SLC25A48: variants seen among roughly 807,000 people sequenced by gnomAD.
SLC25A48 encodes the protein solute carrier family 25 member 48.
A neutral mutation model predicts 32.2 loss-of-function variants in SLC25A48; 29 were observed. The ratio of observed to expected loss-of-function variants is 0.90; its 90% CI spans 0.67 to 1.23. The LOEUF is 1.23. SLC25A48 is among the 50% of genes most tolerant of loss of function. SLC25A48 has a pLI of 0.00. For missense variants in SLC25A48, 399 were observed against 422.7 expected (o/e 0.94, Z 0.49); for synonymous variants, 164 against 172.3 (o/e 0.95, Z 0.38).
At chr5:135,711,319 G>A (rs1189069139) in intron 3 of SLC25A48, among the ~76,000 whole-genome samples, 1 of 152,218 alleles carries the variant, frequency 6.6e-6, no homozygotes, top group Non-Finnish European at 1.5e-5. Context: ...TCATATTCCA[G>A]AGCAGCTCAA....
chr5:135,758,060 T>C (rs1755964440), intron 3 of SLC25A48, among the ~76,000 whole-genome samples: 1 of 150,634 alleles, frequency 6.6e-6, no homozygotes, highest in African/African-American at 2.4e-5. Flanking sequence ...CTATGATATT[T>C]ATAATATCTC....
At chr5:135,883,991 A>T (rs1381239670) in intron 7 of SLC25A48, among the ~76,000 whole-genome samples, 2 of 152,118 alleles carry the variant, frequency 1.3e-5, no homozygotes, top group Non-Finnish European at 2.9e-5. Context: ...CCCTTTCTTG[A>T]TGAGCTGAGT....
chr5:135,882,938 C>A, intron 7 of SLC25A48: 1 of 504,312 alleles, frequency 2.0e-6, no homozygotes, highest in Non-Finnish European at 2.6e-6. Context: ...AGAGCCTCTG[C>A]CAGTCTGTAC....
intron 1 of SLC25A48, 98 bp from the exon 2 acceptor site, chr5:135,842,318 C>G: frequency 7.8e-7 from 1 of 1,277,976 alleles, no homozygotes. Context: ...CAGCAATTGA[C>G]CGTTGACTAA....
rs149895289 is a variant in SLC25A48 at position 135,757,069 on chromosome 5, TATG to T, written c.-520-55451_-520-55449del. Among the ~76,000 whole-genome samples, 999 of 150,328 alleles carry T rather than the reference TATG, an allele frequency of 6.6e-3. 9 individuals carry two copies. The highest frequency in any genetic ancestry group is 0.023 in the African/African-American group (935 of 41,394). On this transcript the variant is annotated intron_variant, in intron 3 of 10. Coordinates refer to the SLC25A48 transcript ENST00000646290. ...ATGATATGATATCTAGTGTTAACACTATGATATTTATAAAATACCATGAGATAT... is the reference window on the plus strand; with the variant it reads ...ATGATATGATATCTAGTGTTAACACTATATTTATAAAATACCATGAGATAT...
intron 4 of SLC25A48, among the ~76,000 whole-genome samples, chr5:135,867,123 C>T (rs1300937055): frequency 6.6e-6 from 1 of 152,124 alleles, no homozygotes; most frequent in Non-Finnish European, 1.5e-5. Flanking sequence ...TTTTAATCCT[C>T]ATTACAGAAT....
At chr5:135,864,438 A>G (rs1761038253) in intron 4 of SLC25A48, among the ~76,000 whole-genome samples, 1 of 148,720 alleles carries the variant, frequency 6.7e-6, no homozygotes, top group East Asian at 1.9e-4. Context: ...AGATCCCTGA[A>G]GGGACACACA....
chr5:135,680,584 G>A (rs1202337151), intron 3 of SLC25A48, among the ~76,000 whole-genome samples: 5 of 152,220 alleles, frequency 3.3e-5, no homozygotes, highest in Non-Finnish European at 5.9e-5. Flanking sequence ...CATGGTGGAA[G>A]GCAAAGGAAG....
intron 3 of SLC25A48, among the ~76,000 whole-genome samples, chr5:135,777,940 G>A (rs974235417): frequency 5.3e-5 from 8 of 151,716 alleles, no homozygotes; most frequent in African/African-American, 1.9e-4. Flanking sequence ...TAGTATCCTG[G>A]GCTGAGGGAC....
intron 6 of SLC25A48, chr5:135,874,767 G>A (rs1432541221): frequency 2.9e-6 from 2 of 687,130 alleles, no homozygotes; most frequent in Non-Finnish European, 2.6e-6. Context: ...AAAAGGTGCT[G>A]CCCCAGGATA....
At chr5:135,630,899 G>A (rs1752550531) in intron 2 of SLC25A48, among the ~76,000 whole-genome samples, 1 of 152,046 alleles carries the variant, frequency 6.6e-6, no homozygotes, top group Non-Finnish European at 1.5e-5. Context: ...ACCGTGCCTG[G>A]CCTTAGGCTT....
intron 1 of SLC25A48, among the ~76,000 whole-genome samples, chr5:135,582,789 G>C (rs962808898): frequency 2.6e-5 from 4 of 152,150 alleles, no homozygotes; most frequent in Non-Finnish European, 2.9e-5. Context: ...CACCTGCAGT[G>C]CTCCTCCCCA....
intron 4 of SLC25A48, among the ~76,000 whole-genome samples, chr5:135,859,289 C>A (rs1018819161): frequency 1.3e-5 from 2 of 152,156 alleles, no homozygotes; most frequent in African/African-American, 2.4e-5. Context: ...TCTTACATGG[C>A]AGCAGGCAAG....
At chr5:135,715,785 C>T (rs557235967) in intron 3 of SLC25A48, among the ~76,000 whole-genome samples, 85 of 152,322 alleles carry the variant, frequency 5.6e-4, no homozygotes, top group Non-Finnish European at 9.8e-4. Context: ...ACCACTTGTG[C>T]CTATAATTAG....
At chr5:135,609,706 A>G (rs1458758672) in intron 1 of SLC25A48, 1 of 152,262 alleles carries the variant, frequency 6.6e-6, no homozygotes, top group Non-Finnish European at 1.5e-5. Context: ...ACTGGGTTAC[A>G]GATTAACCCA....
intron 1 of SLC25A48, among the ~76,000 whole-genome samples, chr5:135,626,587 T>A (rs563172886): frequency 2.6e-5 from 4 of 152,340 alleles, no homozygotes; most frequent in African/African-American, 9.6e-5. Flanking sequence ...TGTGCTTGCA[T>A]ACATGTGTGT....
intron 3 of SLC25A48, among the ~76,000 whole-genome samples, chr5:135,725,496 A>C (rs1755068763): frequency 6.6e-6 from 1 of 152,216 alleles, no homozygotes; most frequent in African/African-American, 2.4e-5. Context: ...CTGAAGGGAC[A>C]GATTTTATTC....
chr5:135,871,963 A>C, intron 5 of SLC25A48: 1 of 1,416,406 alleles, frequency 7.1e-7, no homozygotes, highest in Non-Finnish European at 9.3e-7. Context: ...TATTTTGAAC[A>C]CATACTCTGT....
Position 135,700,360 on chromosome 5 carries a change from A to C in SLC25A48, c.-521+65404A>C, listed in dbSNP as rs1324096216. Among the ~76,000 whole-genome samples, 4 of 119,378 alleles carry C rather than the reference A, an allele frequency of 3.4e-5. No homozygotes were observed. The Admixed American group carries it at 4.1e-4, about 12-fold the overall frequency. 78.3% of individuals were successfully genotyped at this position (119,378 alleles called of 152,430 possible). Reference sequence around the variant, plus strand: ...GCACTCTAGCCTGGGTGACAGAGCAAGACTCTGTCTCAAAAAAAAAAAAAA... The same window carrying C: ...GCACTCTAGCCTGGGTGACAGAGCACGACTCTGTCTCAAAAAAAAAAAAAA... On this transcript the variant is annotated intron_variant, in intron 3 of 10. Transcript: ENST00000646290.
Sources: allele counts gnomAD v4.1 joint callset (sites outside exome capture counted in the v4.1 genomes callset), GRCh38; gene constraint gnomAD v4.1.1; transcripts MANE v1.5; gene names NCBI Gene and HGNC (gene_info 2026-07-23, HGNC 2026-07-21).